Variants in PLCL2 observed in about 807,000 individuals in gnomAD.
PLCL2 encodes phospholipase C like 2, also known as inactive phospholipase C-like protein 2.
PLCL2 carries 4 observed loss-of-function variants against 79.6 expected under a neutral mutation model. The observed-to-expected ratio is 0.05, with a 90% CI of 0.02 to 0.11. The LOEUF (loss-of-function observed/expected upper bound fraction) is 0.11. PLCL2 is among the 10% of genes least tolerant of loss of function. The pLI is 1.00. For missense variants in PLCL2, 895 were observed against 1,291.0 expected (o/e 0.69, Z 4.70); for synonymous variants, 484 against 457.7 (o/e 1.06, Z -0.73).
intron 1 of PLCL2, among the ~76,000 whole-genome samples, chr3:16,934,901 G>A (rs977734117): frequency 6.6e-6 from 1 of 152,146 alleles, no homozygotes; most frequent in African/African-American, 2.4e-5. Flanking sequence ...TATTATTCTT[G>A]CATCTTTATG....
rs978611034 is a variant in PLCL2, at chr3:16,887,179, C to T, written c.327+1813C>T. On this transcript the variant is annotated intron_variant, in intron 1 of 5. Coordinates refer to ENST00000615277, the MANE Select transcript of PLCL2 (RefSeq NM_001144382.2). The surrounding 1 kb of genome is among the most constrained non-coding windows in gnomAD (Gnocchi z 4.1). ...GGGGAAATGATTAATGTTCAAAAAT[C>T]ACTGATTTTAGAAATGATATTGATA... 2.0e-5 allele frequency among the ~76,000 whole-genome samples: 3 copies of T among 152,168 alleles called. No homozygotes were observed. Among genetic ancestry groups the T allele is most frequent in the Non-Finnish European group, 2.9e-5 (2 of 68,020 alleles).
intron 1 of PLCL2, among the ~76,000 whole-genome samples, chr3:16,983,073 A>G (rs76498865): frequency 0.035 from 5,319 of 152,330 alleles, 183 homozygotes; most frequent in African/African-American, 0.086. Context: ...TATATACTAA[A>G]TAACATTTTG....
At chr3:17,083,764 A>G (rs1017694864) in intron 5 of PLCL2, among the ~76,000 whole-genome samples, 5 of 152,210 alleles carry the variant, frequency 3.3e-5, no homozygotes, top group African/African-American at 7.2e-5. Flanking sequence ...GGAAGAATGA[A>G]TAATGACACC....
chr3:16,925,687 G>C (rs183298749), intron 1 of PLCL2, among the ~76,000 whole-genome samples: 1 of 152,164 alleles, frequency 6.6e-6, no homozygotes. Context: ...GTTCATCCAT[G>C]TTGCAGCATG....
At chr3:17,019,209 T>C (rs1248795992) in intron 3 of PLCL2, among the ~76,000 whole-genome samples, 1 of 152,174 alleles carries the variant, frequency 6.6e-6, no homozygotes, top group Non-Finnish European at 1.5e-5. Context: ...GGGTGAAACA[T>C]GCTCACAGGT....
At chr3:16,993,719 A>C (rs1232250060) in intron 1 of PLCL2, among the ~76,000 whole-genome samples, 1 of 152,234 alleles carries the variant, frequency 6.6e-6, no homozygotes, top group Admixed American at 6.5e-5. Flanking sequence ...ACTTTTATGT[A>C]AAATCTAAGC....
intron 1 of PLCL2, among the ~76,000 whole-genome samples, chr3:16,912,892 C>T (rs561390291): frequency 2.0e-5 from 3 of 152,304 alleles, no homozygotes; most frequent in South Asian, 4.1e-4. Flanking sequence ...TCATCATCCC[C>T]CACATCTGTC....
At chr3:16,981,148 C>CA (rs1398330565) in intron 1 of PLCL2, among the ~76,000 whole-genome samples, 2 of 94,538 alleles carry the variant, frequency 2.1e-5, no homozygotes, top group African/African-American at 9.6e-5. Context: ...GAGGGAGACT[C>CA]GGGGGAGAGG....
At chr3:16,950,630 C>A (rs1444977541) in intron 1 of PLCL2, among the ~76,000 whole-genome samples, 1 of 151,402 alleles carries the variant, frequency 6.6e-6, no homozygotes, top group Non-Finnish European at 1.5e-5. Context: ...TATTGGGAGG[C>A]TTCTACCATC....
intron 3 of PLCL2, among the ~76,000 whole-genome samples, chr3:17,033,144 A>G (rs948333194): frequency 6.6e-6 from 1 of 152,172 alleles, no homozygotes; most frequent in Non-Finnish European, 1.5e-5. Context: ...CTTAGGTACT[A>G]CCCTAGCTCT....
chr3:17,054,442 A>G (rs2064873554), intron 4 of PLCL2, among the ~76,000 whole-genome samples: 1 of 152,052 alleles, frequency 6.6e-6, no homozygotes, highest in Non-Finnish European at 1.5e-5. Context: ...GCCCATTACC[A>G]GTTCCAAAGC....
intron 1 of PLCL2, among the ~76,000 whole-genome samples, chr3:16,912,998 C>T (rs1436592913): frequency 1.3e-5 from 2 of 152,150 alleles, no homozygotes; most frequent in Non-Finnish European, 2.9e-5. Context: ...TTCTCCCTTT[C>T]CCCCAAATCC....
intron 1 of PLCL2, among the ~76,000 whole-genome samples, chr3:16,984,546 A>T (rs886597795): frequency 1.4e-4 from 22 of 152,282 alleles, no homozygotes; most frequent in African/African-American, 4.8e-4. Flanking sequence ...TTAGAAAATG[A>T]GCTGATGATA....
At chr3:16,946,738 C>T (rs2063603785) in intron 1 of PLCL2, among the ~76,000 whole-genome samples, 1 of 151,808 alleles carries the variant, frequency 6.6e-6, no homozygotes, top group Non-Finnish European at 1.5e-5. Context: ...TGTCTTCTTT[C>T]CTTTGATTCC....
intron 1 of PLCL2, among the ~76,000 whole-genome samples, chr3:17,001,251 CT>C (rs905593468): frequency 4.0e-5 from 6 of 151,456 alleles, no homozygotes; most frequent in South Asian, 2.1e-4. Flanking sequence ...TTTTTAATTG[CT>C]TTTTTTTGCT....
In PLCL2 at chr3:16,956,164, T is replaced by G. The variant is rs1575551182; in HGVS notation, c.328-53510T>G. Among the ~76,000 whole-genome samples, 3 of 152,240 alleles carry G rather than the reference T, an allele frequency of 2.0e-5. No individual in the cohort carries two copies. The Middle Eastern group carries it at 0.01, about 518-fold the overall frequency. On this transcript the variant is annotated intron_variant, in intron 1 of 5. Coordinates refer to ENST00000615277, the MANE Select transcript of PLCL2 (RefSeq NM_001144382.2). ...CATTCAGTATGATATTGGCTGTGGG[T>G]TTGTCATAAATAGCTCTTATTATTT... is the stretch of plus-strand genomic sequence containing the variant.
intron 1 of PLCL2, among the ~76,000 whole-genome samples, chr3:16,987,442 A>C (rs1199781939): frequency 6.6e-6 from 1 of 152,110 alleles, no homozygotes; most frequent in African/African-American, 2.4e-5. Context: ...GTCACAAGTT[A>C]AGGTAGAAAA....
chr3:17,011,658 G>T lies in PLCL2; in HGVS notation c.2312G>T (p.Gly771Val). The change falls in exon 2 of 6, where the codon GGA becomes GTA. Residue 771 changes from glycine (G) to valine (V), a missense_variant. By Grantham distance (109) the Gly-to-Val change is moderately radical. Around this residue, in one of 6 missense-constraint regions of PLCL2, gnomAD observed 298 missense variants for 459.6 expected, o/e 0.65. Transcript: ENST00000615277. This position sits in a 1 kb window ranked among gnomAD's most constrained non-coding sequence, Gnocchi z 7.9. The stretch of plus-strand genomic sequence containing the variant: ...GGGCAGAACTTTCCCAAGCCCAAAG[G>T]ATCAGGTGCCAAAGGTGATGTGGTA... ...ISGQNFPKPK[G>V]SGAKGDVVDP... is the part of the protein sequence containing the mutation. The T allele has an allele frequency of 6.2e-7, 1 of 1,614,136 alleles. No homozygotes were observed. The highest frequency in any genetic ancestry group is 1.1e-5 in the South Asian group (1 of 91,072).
At chr3:16,895,068 A>G (rs545030922) in intron 1 of PLCL2, among the ~76,000 whole-genome samples, 4 of 149,582 alleles carry the variant, frequency 2.7e-5, no homozygotes, top group African/African-American at 9.7e-5. Context: ...ACACGTATCT[A>G]TATAGATATA....
Sources: allele counts gnomAD v4.1 joint callset (sites outside exome capture counted in the v4.1 genomes callset), GRCh38; gene constraint gnomAD v4.1.1; regional missense constraint gnomAD v4.1.1; non-coding constraint Gnocchi (gnomAD v3.1); transcripts MANE v1.5; gene names NCBI Gene and HGNC (gene_info 2026-07-23, HGNC 2026-07-21).